Variants in ARHGEF28 observed in about 807,000 individuals in gnomAD.
ARHGEF28 encodes the protein Rho guanine nucleotide exchange factor 28.
A neutral mutation model predicts 206.6 loss-of-function variants in ARHGEF28; 152 were observed. That is an observed-to-expected ratio of 0.74 (90% confidence interval 0.64 to 0.84). The LOEUF (loss-of-function observed/expected upper bound fraction) is 0.84, where lower values mean the gene tolerates loss of function less well. Ranked by LOEUF, ARHGEF28 falls within the 40% of genes least tolerant of loss-of-function variation. ARHGEF28 has a pLI of 0.00. For synonymous variants in ARHGEF28, 763 were observed against 776.4 expected (o/e 0.98, Z 0.29); for missense variants, 2,028 against 2,073.2 (o/e 0.98, Z 0.42).
At chr5:73,721,468 A>C (rs1166065144) in intron 2 of ARHGEF28, among the ~76,000 whole-genome samples, 2 of 152,198 alleles carry the variant, frequency 1.3e-5, no homozygotes, top group African/African-American at 4.8e-5. Flanking sequence ...GGTTTGGGCT[A>C]CTGGTCAGTG....
At chr5:73,912,453 G>T (rs1762961742) in intron 35 of ARHGEF28, among the ~76,000 whole-genome samples, 2 of 152,134 alleles carry the variant, frequency 1.3e-5, no homozygotes, top group South Asian at 4.1e-4. Context: ...GTCAGTTGGA[G>T]GATAATTTTT....
chr5:73,910,299 T>A (rs1447509657), intron 34 of ARHGEF28, among the ~76,000 whole-genome samples: 2 of 138,468 alleles, frequency 1.4e-5, no homozygotes, highest in Non-Finnish European at 3.0e-5. Flanking sequence ...GAGAATCACT[T>A]GAACCCATGA....
chr5:73,899,469 T>C (rs948018153), intron 30 of ARHGEF28: 1 of 152,242 alleles, frequency 6.6e-6, no homozygotes, highest in Non-Finnish European at 1.5e-5. Flanking sequence ...GCCAGAACCA[T>C]TGAGAGGCTC....
chr5:73,754,706 G>A (rs911650505), intron 4 of ARHGEF28, among the ~76,000 whole-genome samples: 40 of 151,778 alleles, frequency 2.6e-4, no homozygotes, highest in African/African-American at 9.4e-4. Flanking sequence ...TGCTTCTTTA[G>A]CTGATGAGAC....
intron 35 of ARHGEF28, among the ~76,000 whole-genome samples, chr5:73,938,507 T>C (rs1158074899): frequency 1.3e-5 from 2 of 152,274 alleles, no homozygotes; most frequent in Middle Eastern, 3.4e-3. Flanking sequence ...TGATTTTTCA[T>C]CCTCAATGTA....
At chr5:73,643,714 C>T (rs189267469) in intron 1 of ARHGEF28, among the ~76,000 whole-genome samples, 2 of 150,706 alleles carry the variant, frequency 1.3e-5, no homozygotes, top group East Asian at 3.9e-4. Flanking sequence ...ACTCAGGAGG[C>T]TGAGATGTGA....
chr5:73,916,431 T>G (rs1488347296), intron 35 of ARHGEF28, among the ~76,000 whole-genome samples: 3 of 152,210 alleles, frequency 2.0e-5, no homozygotes, highest in African/African-American at 7.2e-5. Flanking sequence ...AACAGAAATT[T>G]ATTTCTTCAG....
At chr5:73,829,082 A>G (rs1757126561) in intron 9 of ARHGEF28, among the ~76,000 whole-genome samples, 1 of 152,224 alleles carries the variant, frequency 6.6e-6, no homozygotes, top group Admixed American at 6.5e-5. Context: ...CAGTTTCACA[A>G]ATTGCTGGGA....
rs775644076 is a variant in ARHGEF28 at position 73,909,885 on chromosome 5, G to C, written c.4635G>C (p.Pro1545=). 1 of 1,512,054 alleles carries C rather than the reference G, an allele frequency of 6.6e-7. No homozygotes were observed. The highest frequency in any genetic ancestry group is 8.7e-7 in the Non-Finnish European group (1 of 1,143,274). 93.7% of individuals were successfully genotyped at this position (1,512,054 alleles called of 1,614,324 possible). The change falls in exon 34 of 36, where the codon CCG becomes CCC. Residue 1545 remains proline (P), a synonymous_variant. Transcript: ENST00000513042. ...RQRSLPAVLL[P]GGPEVMELNR... ...GGAGCCTGCCCGCGGTGCTCCTTCC[G>C]GGTGGCCCCGAGGTATGGACCTTCT...
At chr5:73,679,834 C>T (rs1282319276) in intron 1 of ARHGEF28, among the ~76,000 whole-genome samples, 1 of 152,068 alleles carries the variant, frequency 6.6e-6, no homozygotes, top group Non-Finnish European at 1.5e-5. Context: ...AGTACTTTGC[C>T]ACAATATAAC....
chr5:73,892,404 G>A (rs751141829), intron 27 of ARHGEF28, among the ~76,000 whole-genome samples, 174 bp downstream of exon 27: 2 of 152,038 alleles, frequency 1.3e-5, no homozygotes, highest in African/African-American at 4.8e-5. Flanking sequence ...ACGCCTCCCT[G>A]CATGTAATGC....
At chr5:73,807,684 C>G (rs1755593025) in intron 9 of ARHGEF28, among the ~76,000 whole-genome samples, 1 of 151,860 alleles carries the variant, frequency 6.6e-6, no homozygotes, top group South Asian at 2.1e-4. Context: ...TGGGGTTTCA[C>G]TAAGTAGGCC....
At chr5:73,773,008 G>C (rs1347814873) in intron 4 of ARHGEF28, among the ~76,000 whole-genome samples, 1 of 152,226 alleles carries the variant, frequency 6.6e-6, no homozygotes, top group Non-Finnish European at 1.5e-5. Context: ...GAACAATTCA[G>C]TGTACAGACT....
At chr5:73,939,964 C>T (rs565201030) in intron 35 of ARHGEF28, among the ~76,000 whole-genome samples, 1 of 151,980 alleles carries the variant, frequency 6.6e-6, no homozygotes, top group South Asian at 2.1e-4. Flanking sequence ...GAAAAATAAG[C>T]AGGTGGGCCT....
At chr5:73,701,204 T>A (rs887151001) in intron 2 of ARHGEF28, among the ~76,000 whole-genome samples, 11 of 152,350 alleles carry the variant, frequency 7.2e-5, no homozygotes, top group Admixed American at 2.0e-4. Flanking sequence ...ATACTAGGTT[T>A]GTTTTGAAGT....
intron 14 of ARHGEF28, among the ~76,000 whole-genome samples, chr5:73,857,016 T>G (rs940509533): frequency 6.6e-6 from 1 of 152,138 alleles, no homozygotes; most frequent in Non-Finnish European, 1.5e-5. Context: ...GTTCAGGGTA[T>G]TCATGGGTTG....
intron 2 of ARHGEF28, among the ~76,000 whole-genome samples, chr5:73,742,011 G>C (rs927244020): frequency 7.2e-5 from 11 of 152,154 alleles, no homozygotes; most frequent in Non-Finnish European, 1.6e-4. Context: ...GGGGCATACA[G>C]AAGTAATATT....
At chr5:73,664,192 G>A (rs570751577) in intron 1 of ARHGEF28, among the ~76,000 whole-genome samples, 1 of 152,308 alleles carries the variant, frequency 6.6e-6, no homozygotes, top group African/African-American at 2.4e-5. Context: ...CACAGCTGTG[G>A]CCAAGGGGCC....
chr5:73,789,416 G>A (rs959473114), intron 7 of ARHGEF28, among the ~76,000 whole-genome samples: 1 of 152,108 alleles, frequency 6.6e-6, no homozygotes, highest in Non-Finnish European at 1.5e-5. Flanking sequence ...AGGTGGTTGG[G>A]GAGAAATGTG....
Sources: gnomAD v4.1 joint callset for allele counts (sites outside exome capture counted in the v4.1 genomes callset) on GRCh38, gnomAD v4.1.1 for gene constraint, MANE v1.5 for transcripts, NCBI Gene and HGNC (gene_info 2026-07-23, HGNC 2026-07-21) for gene names.